The following STRN4 variants were observed in gnomAD, a reference collection of about 807,000 sequenced individuals.
The protein encoded by STRN4 is striatin 4.
Under a neutral mutation model 77.9 loss-of-function variants are expected in STRN4, and 27 were observed. The ratio of observed to expected loss-of-function variants is 0.35; its 90% confidence interval spans 0.26 to 0.48. STRN4 has a LOEUF of 0.48. Among genes scored for constraint, STRN4 ranks in the 20% least tolerant of loss-of-function variants. STRN4 has a pLI of 0.99. For synonymous variants in STRN4, 466 were observed against 443.1 expected (o/e 1.05, Z -0.65); for missense variants, 798 against 1,049.7 (o/e 0.76, Z 3.31).
rs1490562487 is a variant in STRN4, at chr19:46,723,584, C to T, written c.1595-300G>A. On this transcript the variant is annotated intron_variant, in intron 12 of 17. Transcript: ENST00000263280. This position sits in a 1 kb window ranked among gnomAD's most constrained non-coding sequence, Gnocchi z 5.5. ...GGAGCTCAATACAGAATTTTTCGGG[C>T]TCCATTAAGGAAGAAGGAACAGCAT... Among the ~76,000 whole-genome samples, 1 of 152,212 alleles carries T rather than the reference C, an allele frequency of 6.6e-6. No individual in the cohort carries two copies. The highest frequency in any genetic ancestry group is 1.9e-4 in the East Asian group (1 of 5,186).
chr19:46,732,974 G>A, intron 5 of STRN4, 65 bp downstream of exon 5: 1 of 1,549,378 alleles, frequency 6.5e-7, no homozygotes, highest in Non-Finnish European at 8.8e-7. Context: ...CTGACACTCT[G>A]ACCCTGGCCT....
At chr19:46,729,408 C>T (rs1216362769) in intron 6 of STRN4, among the ~76,000 whole-genome samples, 1 of 152,188 alleles carries the variant, frequency 6.6e-6, no homozygotes, top group Non-Finnish European at 1.5e-5. Flanking sequence ...GCGTGGCTGA[C>T]CCCTTCCACA....
At chr19:46,730,658 C>T in intron 6 of STRN4, 74 bp downstream of exon 6, 2 of 1,577,064 alleles carry the variant, frequency 1.3e-6, no homozygotes, top group South Asian at 2.3e-5. Context: ...CCCTGAAGGC[C>T]CAGGCTGACT....
At chr19:46,744,060 C>A (rs867585205) in intron 1 of STRN4, among the ~76,000 whole-genome samples, 14 of 151,942 alleles carry the variant, frequency 9.2e-5, no homozygotes, top group Admixed American at 2.6e-4. Flanking sequence ...GGGGAATATC[C>A]TTTATCCTCC....
chr19:46,722,174 C>T (rs1217408036), intron 15 of STRN4, 68 bp downstream of exon 15: 17 of 1,588,876 alleles, frequency 1.1e-5, no homozygotes, highest in African/African-American at 1.3e-5. Context: ...CCCACAGGGA[C>T]GCAAGCATCT....
At position 46,733,256 on chromosome 19, in the gene STRN4, C is replaced by T. The variant is rs769254615; in HGVS notation, c.540-20G>A. On this transcript the variant is annotated intron_variant, in intron 4 of 17. Coordinates refer to ENST00000263280, the MANE Select transcript of STRN4 (RefSeq NM_013403.3). This position sits in a 1 kb window ranked among gnomAD's most constrained non-coding sequence, Gnocchi z 4.3. ...AGGTACCTGCAGGGGTGCAGAGCCA[C>T]GTGGGTCAGACATCCCCTGGGCTTC... The T allele has an allele frequency of 1.2e-5, 20 of 1,604,216 alleles. No homozygotes were observed. Among genetic ancestry groups the T allele is most frequent in the East Asian group, 2.2e-5 (1 of 44,774 alleles).
chr19:46,730,887 C>T lies in STRN4; in HGVS notation c.738-14G>A, dbSNP rs376351409. On this transcript the variant is annotated splice_polypyrimidine_tract_variant and intron_variant, in intron 5 of 17. Coordinates refer to ENST00000263280, the MANE Select transcript of STRN4 (RefSeq NM_013403.3). ...CCTGCCGCGTTCCTGCCAAAGACAG[C>T]AGAGCAGAGGAGGCATGAGTCCTGG... 1.2e-6 allele frequency: 2 copies of T among 1,609,256 alleles called. No individual in the cohort carries two copies. Among genetic ancestry groups the T allele is most frequent in the Non-Finnish European group, 8.5e-7 (1 of 1,179,888 alleles).
Position 46,738,300 on chromosome 19 carries a change from T to G in STRN4, c.387-63A>C. The stretch of plus-strand genomic sequence containing the variant: ...AGAGTAGACAGGGTCAGTAGTTACC[T>G]AAGGAATCCAGAATCCCAAACCCCA... On this transcript the variant is annotated intron_variant, in intron 2 of 17. Transcript: ENST00000263280. The surrounding 1 kb of genome is among the most constrained non-coding windows in gnomAD (Gnocchi z 4.5). The G allele has an allele frequency of 1.3e-6, 2 of 1,481,804 alleles. No individual in the cohort carries two copies. The highest frequency in any genetic ancestry group is 1.9e-6 in the Non-Finnish European group (2 of 1,061,528). 91.8% of individuals were successfully genotyped at this position (1,481,804 alleles called of 1,614,324 possible).
In STRN4 at chr19:46,719,891, G is replaced by A. The variant is rs953961099; in HGVS notation, c.*514C>T. The A allele has an allele frequency of 2.0e-5, 3 of 152,274 alleles. No individual in the cohort carries two copies. Among genetic ancestry groups the A allele is most frequent in the Non-Finnish European group, 2.9e-5 (2 of 68,116 alleles). The allele number at this position is 152,274 out of a possible 1,614,324, so 9.4% of individuals were successfully genotyped here. On this transcript the variant is annotated 3_prime_UTR_variant, in exon 18 of 18. Transcript: ENST00000263280. The stretch of plus-strand genomic sequence containing the variant: ...GGGCAATCCCTGGCCTGGAAGCCTT[G>A]GTTAGTGTCTGGAAAGCAGTGGAGA...
intron 6 of STRN4, among the ~76,000 whole-genome samples, chr19:46,730,451 G>A (rs377449484): frequency 1.2e-4 from 19 of 152,192 alleles, no homozygotes; most frequent in Non-Finnish European, 1.8e-4. Flanking sequence ...AAAGGGACCC[G>A]CTAATGGGAA....
intron 8 of STRN4, 97 bp from the exon 9 acceptor site, chr19:46,727,643 T>C (rs1446943588): frequency 4.8e-6 from 5 of 1,041,220 alleles, no homozygotes; most frequent in African/African-American, 3.2e-5. Context: ...GAGAAAGAGA[T>C]AAAGAGCAAG....
At position 46,730,773 on chromosome 19, in the gene STRN4, C is replaced by T. The variant is rs753557972; in HGVS notation, c.838G>A (p.Asp280Asn). The T allele has an allele frequency of 5.0e-6, 8 of 1,612,802 alleles. No homozygotes were observed. The highest frequency in any genetic ancestry group is 4.0e-5 in the African/African-American group (3 of 74,944). ...NCEDEDSDED[D>N]ELDSVQHKKQ... is the part of the protein sequence containing the mutation. ...TTGTGCTGCACGCTGTCCAGCTCAT[C>T]GTCCTCGTCGCTGTCTTCGTCCTCG... Residue 280 changes from aspartate to asparagine, a missense_variant, in exon 6 of 18, where the codon GAT becomes AAT. By Grantham distance (23) the Asp-to-Asn change is conservative (BLOSUM62 1). Coordinates refer to ENST00000263280, the MANE Select transcript of STRN4 (RefSeq NM_013403.3).
At chr19:46,729,518 A>G (rs1382317387) in intron 6 of STRN4, among the ~76,000 whole-genome samples, 2 of 152,260 alleles carry the variant, frequency 1.3e-5, no homozygotes, top group South Asian at 2.1e-4. Context: ...GGGCATGGAG[A>G]AGACCTAGGG....
chr19:46,743,243 T>TACAC (rs2054504961), intron 1 of STRN4, among the ~76,000 whole-genome samples: 1 of 152,020 alleles, frequency 6.6e-6, no homozygotes, highest in African/African-American at 2.4e-5. Context: ...TATATGTGTA[T>TACAC]ACACACACTC....
At position 46,733,664 on chromosome 19, in the gene STRN4, T is replaced by TA. The variant is rs1333552064; in HGVS notation, c.540-429dup. 2.0e-5 allele frequency among the ~76,000 whole-genome samples: 3 copies of TA among 152,196 alleles called. No homozygotes were observed. The highest frequency in any genetic ancestry group is 4.4e-5 in the Non-Finnish European group (3 of 68,040). ...TTTGTAGAAAAAAACAAAAAGGCGTTAATGTGCATAAAGCTTACACCACAC... is the reference window on the plus strand; with the variant it reads ...TTTGTAGAAAAAAACAAAAAGGCGTTAAATGTGCATAAAGCTTACACCACAC... On this transcript the variant is annotated intron_variant, in intron 4 of 17. Transcript: ENST00000263280. This position sits in a 1 kb window ranked among gnomAD's most constrained non-coding sequence, Gnocchi z 4.3.
chr19:46,725,390 A>G lies in STRN4; in HGVS notation c.1425-11T>C, dbSNP rs1482430624. 6.2e-7 allele frequency: 1 copy of G among 1,614,084 alleles called. No individual in the cohort carries two copies. The highest frequency in any genetic ancestry group is 2.2e-5 in the East Asian group (1 of 44,876). ...TCTAGCGCCGCATTCCTGTGGGATG[A>G]CAGAGGAGCCTGATGTCACTGAGAC... On this transcript the variant is annotated splice_polypyrimidine_tract_variant and intron_variant, in intron 10 of 17. Coordinates refer to ENST00000263280, the MANE Select transcript of STRN4 (RefSeq NM_013403.3).
rs1417024798 is a variant in STRN4 at position 46,719,537 on chromosome 19, G to A, written c.*868C>T. On this transcript the variant is annotated 3_prime_UTR_variant, in exon 18 of 18. Coordinates refer to ENST00000263280, the MANE Select transcript of STRN4 (RefSeq NM_013403.3). The stretch of plus-strand genomic sequence containing the variant: ...TACTCCAAAGGGTTTATTGAGACAA[G>A]TTTTCACATACAAGATGGGGACAGA... The A allele has an allele frequency of 6.6e-6, 1 of 152,614 alleles. No individual in the cohort carries two copies. The highest frequency in any genetic ancestry group is 2.4e-5 in the African/African-American group (1 of 41,432). The allele number at this position is 152,614 out of a possible 1,614,324, so 9.5% of individuals were successfully genotyped here.
intron 3 of STRN4, among the ~76,000 whole-genome samples, chr19:46,737,889 C>T (rs542030162): frequency 1.5e-4 from 23 of 152,264 alleles, no homozygotes; most frequent in African/African-American, 4.8e-4. Context: ...ATAGCCCTGG[C>T]GCCCACTCCT....
rs150103731 is a variant in STRN4 at position 46,733,465 on chromosome 19, T to C, written c.540-229A>G. 1,621 of 531,850 alleles carry C rather than the reference T, an allele frequency of 3.0e-3. 16 individuals are homozygous for C. The highest frequency in any genetic ancestry group is 4.9e-3 in the East Asian group (151 of 30,814). 32.9% of individuals were successfully genotyped at this position (531,850 alleles called of 1,614,324 possible). A position where few individuals can be genotyped will look rare whatever the true frequency, so the allele number is the denominator to read the frequency against. The stretch of plus-strand genomic sequence containing the variant: ...TGAGGGTGCTCCCTGCACTGCTGTA[T>C]GGGGAAGCCGAAGCACAGGGACCAG... On this transcript the variant is annotated intron_variant, in intron 4 of 17. Transcript: ENST00000263280. The surrounding 1 kb of genome is among the most constrained non-coding windows in gnomAD (Gnocchi z 4.3).
Sources: gnomAD v4.1 joint callset for allele counts (sites outside exome capture counted in the v4.1 genomes callset) on GRCh38, gnomAD v4.1.1 for gene constraint, Gnocchi (gnomAD v3.1) non-coding constraint, MANE v1.5 for transcripts, NCBI Gene and HGNC (gene_info 2026-07-23, HGNC 2026-07-21) for gene names.